Variants in IQCM observed in about 807,000 individuals in gnomAD.
IQCM encodes IQ domain-containing protein M.
IQCM carries 45 observed loss-of-function variants against 57.6 expected under a neutral mutation model. That is an observed-to-expected ratio of 0.78 (90% CI 0.62 to 1.00). IQCM has a LOEUF of 1.00. Among genes scored for constraint, IQCM ranks in the 50% least tolerant of loss-of-function variants. The pLI is 0.00. For missense variants in IQCM, 468 were observed against 511.6 expected (o/e 0.91, Z 0.82); for synonymous variants, 148 against 158.9 (o/e 0.93, Z 0.51).
At chr4:149,660,632 C>T (rs2150153325) in intron 7 of IQCM, among the ~76,000 whole-genome samples, 1 of 152,144 alleles carries the variant, frequency 6.6e-6, no homozygotes, top group South Asian at 2.1e-4. Context: ...CACATATACA[C>T]CATGGAATAC....
Position 149,790,222 on chromosome 4 carries a change from C to A in IQCM, c.-49+25089G>T, listed in dbSNP as rs141571241. On this transcript the variant is annotated intron_variant, in intron 2 of 13. Transcript: ENST00000636793. Reference sequence around the variant, plus strand: ...AATATTGAACACAAAACTTGCAGAACAATAATGATGCATCTGTGAAATTTA... The same window carrying A: ...AATATTGAACACAAAACTTGCAGAAAAATAATGATGCATCTGTGAAATTTA... The A allele has an allele frequency of 1.9e-5, 6 of 308,164 alleles. No individual in the cohort carries two copies. The East Asian group carries it at 3.1e-4, about 16-fold the overall frequency. 19.1% of individuals were successfully genotyped at this position (308,164 alleles called of 1,614,324 possible). A position where few individuals can be genotyped will look rare whatever the true frequency, so the allele number is the denominator to read the frequency against.
intron 9 of IQCM, among the ~76,000 whole-genome samples, chr4:149,582,233 A>G (rs1752254091): frequency 1.4e-5 from 2 of 147,764 alleles, no homozygotes; most frequent in African/African-American, 5.0e-5. Context: ...TACAAAGAAC[A>G]AACAGCCACC....
intron 9 of IQCM, among the ~76,000 whole-genome samples, chr4:149,584,733 A>G (rs1257389642): frequency 6.6e-6 from 1 of 151,808 alleles, no homozygotes; most frequent in East Asian, 1.9e-4. Context: ...AGTTGAAGAA[A>G]ACAGGAAGAT....
intron 12 of IQCM, among the ~76,000 whole-genome samples, chr4:149,524,392 G>C (rs1274582727): frequency 6.6e-6 from 1 of 152,086 alleles, no homozygotes; most frequent in Non-Finnish European, 1.5e-5. Flanking sequence ...TGCACTGTAA[G>C]ATTTAAGACT....
intron 12 of IQCM, among the ~76,000 whole-genome samples, chr4:149,476,431 TA>T (rs1330272192): frequency 1.3e-5 from 2 of 152,128 alleles, no homozygotes; most frequent in Non-Finnish European, 2.9e-5. Context: ...TAAGATGACT[TA>T]ATTTTGAAGG....
chr4:149,763,369 T>G (rs1769723338), intron 2 of IQCM, among the ~76,000 whole-genome samples: 1 of 152,040 alleles, frequency 6.6e-6, no homozygotes, highest in Non-Finnish European at 1.5e-5. Flanking sequence ...TTTTGCATGT[T>G]GAATTGAGGA....
chr4:149,521,992 T>C (rs1354254481), intron 12 of IQCM, among the ~76,000 whole-genome samples: 5 of 152,174 alleles, frequency 3.3e-5, no homozygotes, highest in Non-Finnish European at 5.9e-5. Flanking sequence ...CTGACAGAGC[T>C]GCACCAGTAG....
chr4:149,738,589 C>T (rs1318666801), intron 3 of IQCM, among the ~76,000 whole-genome samples: 2 of 152,114 alleles, frequency 1.3e-5, no homozygotes, highest in Admixed American at 6.6e-5. Flanking sequence ...AAGGTATTGT[C>T]ACAGCATACC....
rs575990863 is a variant in IQCM, at chr4:149,367,047, T to C, written c.1391-14981A>G. On this transcript the variant is annotated intron_variant, in intron 13 of 13. Transcript: ENST00000636793. ...GGCACTGTGCTGAGTGATGTACTTA[T>C]ATTATCTCAATTTTTCTGTTTACCA... 2.6e-5 allele frequency among the ~76,000 whole-genome samples: 4 copies of C among 152,160 alleles called. No homozygotes were observed. The East Asian group carries it at 5.8e-4, about 22-fold the overall frequency.
intron 10 of IQCM, among the ~76,000 whole-genome samples, chr4:149,555,533 C>T (rs1307138225): frequency 6.6e-6 from 1 of 152,160 alleles, no homozygotes; most frequent in Admixed American, 6.5e-5. Context: ...CAGGAACACC[C>T]AGGATTCAGT....
intron 13 of IQCM, among the ~76,000 whole-genome samples, chr4:149,399,862 C>T (rs1732490211): frequency 1.3e-5 from 2 of 152,056 alleles, no homozygotes; most frequent in Admixed American, 1.3e-4. Context: ...AAGTTCTCTT[C>T]AATAAATTCT....
At chr4:149,713,631 A>G (rs918762042) in intron 5 of IQCM, among the ~76,000 whole-genome samples, 3 of 151,892 alleles carry the variant, frequency 2.0e-5, no homozygotes, top group Admixed American at 2.0e-4. Flanking sequence ...TTTGCTTCCT[A>G]TTTCATTGAG....
intron 13 of IQCM, among the ~76,000 whole-genome samples, chr4:149,354,380 A>AAAAAAAAAAAAC (rs1728805238): frequency 7.6e-6 from 1 of 131,348 alleles, no homozygotes; most frequent in Non-Finnish European, 1.6e-5. Context: ...AAAAAAAAAA[A>AAAAAAAAAAAAC]AAAAAAAAAC....
At chr4:149,812,163 A>G (rs929739663) in intron 2 of IQCM, among the ~76,000 whole-genome samples, 1 of 152,188 alleles carries the variant, frequency 6.6e-6, no homozygotes. Flanking sequence ...AGTATGGTTT[A>G]TTACTCCTTT....
intron 5 of IQCM, among the ~76,000 whole-genome samples, chr4:149,718,277 C>T (rs952203375): frequency 2.0e-5 from 3 of 152,198 alleles, no homozygotes; most frequent in Admixed American, 6.5e-5. Context: ...GGTGGTGCTA[C>T]CATAACTCTG....
intron 2 of IQCM, among the ~76,000 whole-genome samples, chr4:149,763,538 G>GA (rs1324359645): frequency 6.6e-6 from 1 of 152,118 alleles, no homozygotes; most frequent in Non-Finnish European, 1.5e-5. Flanking sequence ...ACTGGTATGT[G>GA]AAGCCCCCAG....
At position 149,421,259 on chromosome 4, in the gene IQCM, T is replaced by C. The variant is rs1417689376; in HGVS notation, c.1390+12137A>G. Reference sequence around the variant, plus strand: ...AAATGAATATATACATGAATGAAGATTTGAACCTTTCCTTCCAATAAGCTG... The same window carrying C: ...AAATGAATATATACATGAATGAAGACTTGAACCTTTCCTTCCAATAAGCTG... On this transcript the variant is annotated intron_variant, in intron 13 of 13. Transcript: ENST00000636793. Among the ~76,000 whole-genome samples the C allele has an allele frequency of 3.3e-5, 5 of 152,050 alleles. No individual in the cohort carries two copies. The East Asian group carries it at 9.7e-4, about 29-fold the overall frequency.
intron 13 of IQCM, among the ~76,000 whole-genome samples, chr4:149,361,087 A>C (rs6535678): frequency 6.6e-6 from 1 of 152,174 alleles, no homozygotes; most frequent in South Asian, 2.1e-4. Flanking sequence ...CTCTTGTTAC[A>C]TTTTAGCAAA....
intron 10 of IQCM, among the ~76,000 whole-genome samples, chr4:149,556,910 GATT>G (rs1490776418): frequency 1.3e-5 from 2 of 152,112 alleles, no homozygotes; most frequent in Non-Finnish European, 2.9e-5. Context: ...GAGTCAAAGA[GATT>G]ATTATTACTA....
Sources: gnomAD v4.1 joint callset for allele counts (sites outside exome capture counted in the v4.1 genomes callset) on GRCh38, gnomAD v4.1.1 for gene constraint, MANE v1.5 for transcripts, NCBI Gene and HGNC (gene_info 2026-07-23, HGNC 2026-07-21) for gene names.